GRAMD1A: variants seen among roughly 807,000 people sequenced by gnomAD.
GRAMD1A encodes GRAM domain containing 1A.
Under a neutral mutation model 92.0 loss-of-function variants are expected in GRAMD1A, and 50 were observed. The ratio of observed to expected loss-of-function variants is 0.54; its 90% CI spans 0.43 to 0.69. The LOEUF (loss-of-function observed/expected upper bound fraction) is 0.69, where lower values mean the gene tolerates loss of function less well. Among genes scored for constraint, GRAMD1A ranks in the 30% least tolerant of loss-of-function variants. The probability of loss-of-function intolerance (pLI) is 0.00; values close to 1 mark genes in which losing one functional copy is unlikely to be tolerated. For synonymous variants in GRAMD1A, 405 were observed against 403.6 expected (o/e 1.00, Z -0.04); for missense variants, 819 against 978.9 (o/e 0.84, Z 2.18).
chr19:35,006,855 G>A (rs537423352), intron 1 of GRAMD1A, among the ~76,000 whole-genome samples: 4 of 152,286 alleles, frequency 2.6e-5, no homozygotes, highest in African/African-American at 9.6e-5. Context: ...CGACAGAGGT[G>A]CCTGCCTTAG....
At position 35,019,287 on chromosome 19, in the gene GRAMD1A, G is replaced by A; in HGVS notation, c.1310G>A (p.Ser437Asn). ...ATCAGCAACCCACTGGGCCCCAAGA[G>A]CGCCTCCGTGGTGGAGACACAGGTG... The part of the protein sequence containing the change: ...IPISNPLGPK[S>N]ASVVETQTLF... The change falls in exon 12 of 20, where the codon AGC becomes AAC. Residue 437 changes from serine to asparagine, a missense_variant. Coordinates refer to ENST00000317991, the MANE Select transcript of GRAMD1A (RefSeq NM_020895.5). 1 of 1,613,336 alleles carries A rather than the reference G, an allele frequency of 6.2e-7. No homozygotes were observed. The highest frequency in any genetic ancestry group is 1.3e-5 in the African/African-American group (1 of 75,040).
intron 6 of GRAMD1A, chr19:35,010,780 G>T (rs753282683): frequency 2.1e-6 from 1 of 472,108 alleles, no homozygotes; most frequent in Non-Finnish European, 3.7e-6. Flanking sequence ...CTTCCCAGCA[G>T]ACTTCTCTTT....
At chr19:35,017,013 AT>A (rs1240939014) in intron 11 of GRAMD1A, among the ~76,000 whole-genome samples, 15 of 151,784 alleles carry the variant, frequency 9.9e-5, no homozygotes, top group African/African-American at 3.6e-4. Context: ...CTTTACAAAA[AT>A]AAAAAAAAAA....
intron 11 of GRAMD1A, among the ~76,000 whole-genome samples, chr19:35,018,097 C>T (rs1040367176): frequency 3.3e-5 from 5 of 152,214 alleles, no homozygotes; most frequent in Non-Finnish European, 5.9e-5. Context: ...AAGCCATTCT[C>T]CTGCCTCAGC....
Position 35,021,780 on chromosome 19 carries a change from C to T in GRAMD1A, c.1669C>T (p.Arg557Trp), listed in dbSNP as rs564391202. The change falls in exon 15 of 20, where the codon CGG becomes TGG. Residue 557 changes from arginine to tryptophan, a missense_variant. By Grantham distance (101) the Arg-to-Trp change is moderately radical. Around this residue, in one of 3 missense-constraint regions of GRAMD1A, gnomAD observed 577 missense variants for 674.6 expected, o/e 0.86. Transcript: ENST00000317991. This position sits in a 1 kb window ranked among gnomAD's most constrained non-coding sequence, Gnocchi z 5.3. ...GCTATCCGGCCTGCGGCGGCGGAAG[C>T]GGCCCCTGAGCTGGCGGGCTCACGG... ...GLLSGLRRRK[R>W]PLSWRAHGDG... The T allele has an allele frequency of 1.7e-5, 28 of 1,612,056 alleles. No homozygotes were observed. Among genetic ancestry groups the T allele is most frequent in the South Asian group, 5.5e-5 (5 of 90,908 alleles).
chr19:35,025,136 G>A (rs1401105378), intron 19 of GRAMD1A: 2 of 152,008 alleles, frequency 1.3e-5, no homozygotes, highest in African/African-American at 2.4e-5. Flanking sequence ...TGCTAAGGGT[G>A]CAGAGTTGAC....
chr19:35,006,205 C>T (rs1414935400), intron 1 of GRAMD1A, among the ~76,000 whole-genome samples: 1 of 152,104 alleles, frequency 6.6e-6, no homozygotes, highest in East Asian at 1.9e-4. Context: ...GCCTGTAATC[C>T]CAGCTACTGC....
chr19:35,025,619 T>G (rs2016380317), intron 19 of GRAMD1A, among the ~76,000 whole-genome samples: 1 of 152,156 alleles, frequency 6.6e-6, no homozygotes, highest in African/African-American at 2.4e-5. Flanking sequence ...TTGCCCGAGG[T>G]CACAGAGTGG....
intron 1 of GRAMD1A, chr19:35,002,930 C>G (rs563727703): frequency 6.6e-6 from 1 of 152,190 alleles, no homozygotes; most frequent in Non-Finnish European, 1.5e-5. Context: ...ATAATTTATC[C>G]GGGACTTTCT....
At chr19:34,999,452 C>T (rs1406876823), upstream of GRAMD1A, 1 of 150,968 alleles carries the variant, frequency 6.6e-6, no homozygotes, top group Non-Finnish European at 1.5e-5. Context: ...ACTCGCATTT[C>T]TGTGTGGTTG....
intron 10 of GRAMD1A, chr19:35,014,664 G>T (rs2015496607): frequency 9.8e-6 from 5 of 509,612 alleles, no homozygotes; most frequent in Non-Finnish European, 7.1e-6. Flanking sequence ...ACTTCTCTGA[G>T]CTTGCTTTCC....
At chr19:35,012,284 A>G (rs1332404429) in intron 7 of GRAMD1A, among the ~76,000 whole-genome samples, 1 of 152,256 alleles carries the variant, frequency 6.6e-6, no homozygotes, top group South Asian at 2.1e-4. Flanking sequence ...GGACCCCAGC[A>G]TGTCACCTTG....
Position 35,016,114 on chromosome 19 carries a change from C to T in GRAMD1A, c.1213+147C>T, listed in dbSNP as rs777243710. The T allele has an allele frequency of 1.0e-5, 8 of 786,398 alleles. 1 individual carries two copies. The highest frequency in any genetic ancestry group is 2.6e-5 in the East Asian group (1 of 38,068). The allele number at this position is 786,398 out of a possible 1,614,324, so 48.7% of individuals were successfully genotyped here. A position where few individuals can be genotyped will look rare whatever the true frequency, so the allele number is the denominator to read the frequency against. On this transcript the variant is annotated intron_variant, in intron 11 of 19. Transcript: ENST00000317991. ...AATGTCTGTCAGACCAGAAGCAGCT[C>T]TGCCACTTACTAGCTGGGTAGGCTT...
upstream of GRAMD1A, among the ~76,000 whole-genome samples, chr19:34,997,593 G>A (rs2014094791): frequency 6.6e-6 from 1 of 152,168 alleles, no homozygotes; most frequent in Non-Finnish European, 1.5e-5. Flanking sequence ...CTCCATAAGC[G>A]TTAAAGTTTA....
At chr19:35,008,007 T>G (rs1335017466) in intron 1 of GRAMD1A, among the ~76,000 whole-genome samples, 1 of 152,106 alleles carries the variant, frequency 6.6e-6, no homozygotes, top group Non-Finnish European at 1.5e-5. Flanking sequence ...AAATATTTGT[T>G]GTATGAATCA....
upstream of GRAMD1A, chr19:35,000,225 C>T (rs983504725): frequency 9.8e-7 from 1 of 1,022,118 alleles, no homozygotes; most frequent in Non-Finnish European, 1.2e-6. This position sits in a 1 kb window ranked among gnomAD's most constrained non-coding sequence, Gnocchi z 4.9. Context: ...GGCCCCTCCC[C>T]GCCTTCCCTC....
chr19:35,023,803 C>T, intron 19 of GRAMD1A: 1 of 402,100 alleles, frequency 2.5e-6, no homozygotes, highest in Non-Finnish European at 4.4e-6. Flanking sequence ...CGGGTTTGGT[C>T]ACTCAATGGC....
intron 1 of GRAMD1A, among the ~76,000 whole-genome samples, chr19:35,008,048 G>C (rs906404685): frequency 6.6e-6 from 1 of 152,136 alleles, no homozygotes; most frequent in African/African-American, 2.4e-5. Flanking sequence ...GGAGGTATAG[G>C]CCAGGCGCGG....
In GRAMD1A at chr19:35,009,113, C is replaced by T. The variant is rs1443798068; in HGVS notation, c.9-6C>T. On this transcript the variant is annotated splice_polypyrimidine_tract_variant and splice_region_variant and intron_variant, in intron 1 of 19. Transcript: ENST00000317991. ...TTAACACTTCTCTTCCTCTTCCTGC[C>T]CCCAGCACCACACCCCACTCTGGCC... 6.2e-7 allele frequency: 1 copy of T among 1,602,502 alleles called. No homozygotes were observed. Among genetic ancestry groups the T allele is most frequent in the African/African-American group, 1.3e-5 (1 of 74,710 alleles).
Sources: allele counts gnomAD v4.1 joint callset (sites outside exome capture counted in the v4.1 genomes callset), GRCh38; gene constraint gnomAD v4.1.1; regional missense constraint gnomAD v4.1.1; non-coding constraint Gnocchi (gnomAD v3.1); transcripts MANE v1.5; gene names NCBI Gene and HGNC (gene_info 2026-07-23, HGNC 2026-07-21).